The following ZNF469 variants were observed in gnomAD, a reference collection of about 807,000 sequenced individuals.
ZNF469 encodes zinc finger protein 469.
A neutral mutation model predicts 1.0 loss-of-function variants in ZNF469; 1 was observed. The ratio of observed to expected loss-of-function variants is 1.00; its 90% confidence interval spans 0.35 to 4.73. The LOEUF is 4.73. ZNF469 is among the 30% of genes most tolerant of loss of function. ZNF469 has a pLI of 0.16. For missense variants in ZNF469, 6,100 were observed against 5,356.3 expected, an observed-to-expected ratio of 1.14 and a Z score of -4.33; for synonymous variants, 2,703 against 2,363.4, an observed-to-expected ratio of 1.14 and a Z score of -4.17.
chr16:88,246,838 GGTGAATGAGTGAGTGAATGAGCAA>G, the ZNF469 span, among the ~76,000 whole-genome samples: 18 of 151,524 alleles, frequency 1.2e-4, no homozygotes, highest in Middle Eastern at 3.5e-3. Context: ...GTGAGTGAAT[GGTGAATGAGTGAGTGAATGAGCAA>G]GTGAATGAGT....
the ZNF469 span, among the ~76,000 whole-genome samples, chr16:88,345,891 G>A: frequency 2.0e-5 from 3 of 152,144 alleles, no homozygotes; most frequent in Non-Finnish European, 4.4e-5. Context: ...CCTTCATCCA[G>A]AAGGATCTAG....
the ZNF469 span, among the ~76,000 whole-genome samples, chr16:88,152,054 G>C: frequency 6.6e-6 from 1 of 152,216 alleles, no homozygotes; most frequent in Non-Finnish European, 1.5e-5. This position sits in a 1 kb window ranked among gnomAD's most constrained non-coding sequence, Gnocchi z 4.2. Context: ...TTGGGGGCAG[G>C]GTGTGGGGAA....
the ZNF469 span, among the ~76,000 whole-genome samples, chr16:88,305,765 T>G: frequency 6.6e-6 from 1 of 152,064 alleles, no homozygotes; most frequent in Non-Finnish European, 1.5e-5. Flanking sequence ...AACACACATA[T>G]GCACACTCAT....
At chr16:88,372,810 C>G in the ZNF469 span, among the ~76,000 whole-genome samples, 1 of 151,158 alleles carries the variant, frequency 6.6e-6, no homozygotes, top group African/African-American at 2.4e-5. Context: ...ACCATCATTA[C>G]CACCATCATC....
chr16:88,240,062 A>G, the ZNF469 span, among the ~76,000 whole-genome samples: 3 of 150,226 alleles, frequency 2.0e-5, no homozygotes, highest in Non-Finnish European at 4.4e-5. Context: ...TGCCCAGAGA[A>G]GAGCCAAACA....
chr16:88,421,252 GT>G (rs1329137155), intron 1 of ZNF469, among the ~76,000 whole-genome samples: 2 of 152,218 alleles, frequency 1.3e-5, no homozygotes, highest in Non-Finnish European at 2.9e-5. Context: ...CTGCTCTTGA[GT>G]TACCAGAGCG....
chr16:88,353,989 T>C, the ZNF469 span, among the ~76,000 whole-genome samples: 1 of 152,194 alleles, frequency 6.6e-6, no homozygotes, highest in African/African-American at 2.4e-5. Flanking sequence ...CCCTGCCTGC[T>C]TCATATCTAC....
At chr16:88,349,849 A>ACTATACACACCTTACACCCCACACACG in the ZNF469 span, among the ~76,000 whole-genome samples, 5 of 144,484 alleles carry the variant, frequency 3.5e-5, no homozygotes, top group Admixed American at 7.0e-5. Context: ...CACACCACAC[A>ACTATACACACCTTACACCCCACACACG]CAAGTGCACA....
chr16:88,439,600 A>G lies in ZNF469; in HGVS notation c.*268A>G. The G allele has an allele frequency of 2.0e-6, 1 of 502,548 alleles. No individual in the cohort carries two copies. The allele number at this position is 502,548 out of a possible 1,614,324, so 31.1% of individuals were successfully genotyped here. A position where few individuals can be genotyped will look rare whatever the true frequency, so the allele number is the denominator to read the frequency against. ...CACAGCTGTTTTCTTGGTACCAAGT[A>G]CTTGAAGAGACAGCAGCCCATCCCC... On this transcript the variant is annotated 3_prime_UTR_variant, in exon 3 of 3. Coordinates refer to ENST00000565624, the MANE Select transcript of ZNF469 (RefSeq NM_001367624.2).
chr16:88,235,768 G>A, the ZNF469 span, among the ~76,000 whole-genome samples: 1 of 152,284 alleles, frequency 6.6e-6, no homozygotes, highest in African/African-American at 2.4e-5. Context: ...TGAGCCAGAT[G>A]TGAGGAGCGT....
the ZNF469 span, among the ~76,000 whole-genome samples, chr16:88,211,013 G>A: frequency 1.1e-4 from 16 of 152,380 alleles, no homozygotes; most frequent in Middle Eastern, 3.4e-3. Flanking sequence ...GCCTTCGGCC[G>A]TTGAGTGGCC....
the ZNF469 span, among the ~76,000 whole-genome samples, chr16:88,264,841 G>C: frequency 6.6e-6 from 1 of 152,122 alleles, no homozygotes; most frequent in Non-Finnish European, 1.5e-5. Flanking sequence ...AGGCACAGGC[G>C]GTACTGCTCA....
chr16:88,369,757 G>A, the ZNF469 span, among the ~76,000 whole-genome samples: 1 of 152,166 alleles, frequency 6.6e-6, no homozygotes, highest in Non-Finnish European at 1.5e-5. Context: ...GAATAACGAG[G>A]GGCCACGGTG....
the ZNF469 span, among the ~76,000 whole-genome samples, chr16:88,360,230 G>A: frequency 6.6e-6 from 1 of 152,090 alleles, no homozygotes; most frequent in African/African-American, 2.4e-5. Context: ...ACGTTGGCCA[G>A]GCTGGTCTCA....
the ZNF469 span, among the ~76,000 whole-genome samples, chr16:88,310,540 G>C: frequency 1.1e-4 from 17 of 151,512 alleles, no homozygotes; most frequent in Non-Finnish European, 2.1e-4. Flanking sequence ...CTTGTTCCTT[G>C]ACAGTACCTT....
chr16:88,217,714 A>C, the ZNF469 span, among the ~76,000 whole-genome samples: 4 of 112,922 alleles, frequency 3.5e-5, no homozygotes, highest in African/African-American at 1.3e-4. Context: ...TTCTTGCGAT[A>C]GTTTACGGAG....
the ZNF469 span, among the ~76,000 whole-genome samples, chr16:88,293,433 A>G: frequency 5.9e-5 from 9 of 152,030 alleles, no homozygotes; most frequent in African/African-American, 2.2e-4. Context: ...GGATGGTTAA[A>G]TCGGTACGTG....
the ZNF469 span, among the ~76,000 whole-genome samples, chr16:88,215,532 G>C: frequency 6.6e-6 from 1 of 151,380 alleles, no homozygotes; most frequent in Non-Finnish European, 1.5e-5. Flanking sequence ...TGGGATTACA[G>C]GCACCCATCA....
intron 1 of ZNF469, among the ~76,000 whole-genome samples, chr16:88,419,919 G>A (rs1306030047): frequency 6.6e-6 from 1 of 152,260 alleles, no homozygotes; most frequent in Admixed American, 6.5e-5. Flanking sequence ...GCCAAAGGGA[G>A]GAAGGCACAG....
Sources: gnomAD v4.1 joint callset for allele counts (sites outside exome capture counted in the v4.1 genomes callset) on GRCh38, gnomAD v4.1.1 for gene constraint, Gnocchi (gnomAD v3.1) non-coding constraint, MANE v1.5 for transcripts, NCBI Gene and HGNC (gene_info 2026-07-23, HGNC 2026-07-21) for gene names.